HS3ST4: variants seen among roughly 807,000 people sequenced by gnomAD.
HS3ST4 encodes heparan sulfate glucosamine 3-O-sulfotransferase 4.
HS3ST4 carries 17 observed loss-of-function variants against 29.2 expected under a neutral mutation model. The observed-to-expected ratio is 0.58, with a 90% CI of 0.40 to 0.87. The LOEUF (loss-of-function observed/expected upper bound fraction) is 0.87. Among genes scored for constraint, HS3ST4 ranks in the 40% least tolerant of loss-of-function variants. HS3ST4 has a pLI of 0.00. For missense variants in HS3ST4, 627 were observed against 634.5 expected (o/e 0.99, Z 0.13); for synonymous variants, 314 against 285.7 (o/e 1.10, Z -1.00).
intron 1 of HS3ST4, among the ~76,000 whole-genome samples, chr16:25,924,966 AG>A (rs1162664394): frequency 1.3e-5 from 2 of 152,096 alleles, no homozygotes; most frequent in African/African-American, 4.8e-5. Context: ...ATCTTGCTTA[AG>A]CAACACGTAG....
intron 1 of HS3ST4, among the ~76,000 whole-genome samples, chr16:25,798,360 G>A (rs1429329078): frequency 6.6e-6 from 1 of 152,160 alleles, no homozygotes; most frequent in African/African-American, 2.4e-5. Context: ...CACATTTCAT[G>A]TTTATGTTGG....
In HS3ST4 at chr16:26,071,069, A is replaced by C. The variant is rs551153917; in HGVS notation, c.735-64543A>C. 1.3e-4 allele frequency among the ~76,000 whole-genome samples: 20 copies of C among 152,338 alleles called. No individual in the cohort carries two copies. The South Asian group carries it at 4.1e-3, about 32-fold the overall frequency. On this transcript the variant is annotated intron_variant, in intron 1 of 1. Transcript: ENST00000331351. ...TTTGGTGAATTGCAAAGTGTGTTTTAAAAAGTCCTAAAAGAGGCTGAATTG... is the reference window on the plus strand; with the variant it reads ...TTTGGTGAATTGCAAAGTGTGTTTTCAAAAGTCCTAAAAGAGGCTGAATTG...
intron 1 of HS3ST4, among the ~76,000 whole-genome samples, chr16:25,935,337 A>G (rs986440358): frequency 1.6e-4 from 25 of 152,168 alleles, no homozygotes; most frequent in Admixed American, 1.6e-3. Flanking sequence ...TCCAGAGTCC[A>G]TAGTTTGCAT....
At chr16:26,086,413 G>A (rs1380746730) in intron 1 of HS3ST4, among the ~76,000 whole-genome samples, 1 of 151,250 alleles carries the variant, frequency 6.6e-6, no homozygotes, top group Non-Finnish European at 1.5e-5. Flanking sequence ...GCAGTGGCAC[G>A]ATCTCGGCTC....
intron 1 of HS3ST4, among the ~76,000 whole-genome samples, chr16:26,022,895 AGC>A (rs1969428597): frequency 6.6e-6 from 1 of 152,104 alleles, no homozygotes. Flanking sequence ...GGCCAGGCTT[AGC>A]TGGGTGTGGT....
In HS3ST4 at chr16:25,720,627, G is replaced by A. The variant is rs535677626; in HGVS notation, c.734+27476G>A. On this transcript the variant is annotated intron_variant, in intron 1 of 1. Coordinates refer to ENST00000331351, the MANE Select transcript of HS3ST4 (RefSeq NM_006040.3). Reference sequence around the variant, plus strand: ...AAAATCCATGAAAAAGAATCCCATTGTGCAAGCCGGGGTCACTAATCCAAT... The same window carrying A: ...AAAATCCATGAAAAAGAATCCCATTATGCAAGCCGGGGTCACTAATCCAAT... 1.2e-3 allele frequency among the ~76,000 whole-genome samples: 180 copies of A among 152,218 alleles called. 1 individual carries two copies. The Middle Eastern group carries it at 0.014, about 12-fold the overall frequency.
chr16:26,034,065 A>G (rs1419031813), intron 1 of HS3ST4, among the ~76,000 whole-genome samples: 5 of 152,144 alleles, frequency 3.3e-5, no homozygotes, highest in Non-Finnish European at 7.4e-5. Context: ...AGGAAAGTCA[A>G]TGTGTACTGC....
intron 1 of HS3ST4, among the ~76,000 whole-genome samples, chr16:26,016,016 C>T (rs542823083): frequency 1.1e-4 from 16 of 152,080 alleles, no homozygotes; most frequent in Non-Finnish European, 2.4e-4. Flanking sequence ...CACAAGGCAG[C>T]CTCCTTCCTC....
At chr16:25,794,382 G>A (rs1391758234) in intron 1 of HS3ST4, among the ~76,000 whole-genome samples, 3 of 151,330 alleles carry the variant, frequency 2.0e-5, no homozygotes, top group African/African-American at 4.9e-5. Context: ...CCTCCTTCCT[G>A]TAGAATTCTC....
At chr16:25,827,532 A>AC (rs931553846) in intron 1 of HS3ST4, among the ~76,000 whole-genome samples, 1 of 57,734 alleles carries the variant, frequency 1.7e-5, no homozygotes. Context: ...TGCTGTCTTC[A>AC]CAAAAAAAAA....
At chr16:26,063,493 A>G (rs1898505095) in intron 1 of HS3ST4, among the ~76,000 whole-genome samples, 1 of 151,618 alleles carries the variant, frequency 6.6e-6, no homozygotes, top group African/African-American at 2.4e-5. Context: ...GCCTGGGCAC[A>G]TAGTGAGACC....
At chr16:26,071,499 G>C (rs1252338741) in intron 1 of HS3ST4, among the ~76,000 whole-genome samples, 1 of 152,118 alleles carries the variant, frequency 6.6e-6, no homozygotes, top group African/African-American at 2.4e-5. Flanking sequence ...CTGAGGCTTT[G>C]GTTATATTAA....
intron 1 of HS3ST4, among the ~76,000 whole-genome samples, chr16:25,828,301 C>CTCTCTCTCTCTCTCTCTCT (rs1555467593): frequency 6.1e-5 from 2 of 32,898 alleles, no homozygotes; most frequent in Admixed American, 3.7e-4. Context: ...TCTTTCTTTC[C>CTCTCTCTCTCTCTCTCTCT]CTCTCTCTCT....
chr16:25,890,058 A>G (rs192504817), intron 1 of HS3ST4, among the ~76,000 whole-genome samples: 16 of 152,336 alleles, frequency 1.1e-4, no homozygotes, highest in African/African-American at 3.4e-4. Context: ...CTTCGTTAGC[A>G]GCATGAGAAC....
At chr16:26,117,284 G>A (rs1165498892) in intron 1 of HS3ST4, among the ~76,000 whole-genome samples, 1 of 152,160 alleles carries the variant, frequency 6.6e-6, no homozygotes, top group Non-Finnish European at 1.5e-5. Flanking sequence ...AAATGAACCA[G>A]CACACTCAAC....
In HS3ST4 at chr16:25,846,535, T is replaced by TA. The variant is rs5816326; in HGVS notation, c.734+153397dup. Among the ~76,000 whole-genome samples the TA allele has an allele frequency of 9.9e-3, 1,446 of 145,542 alleles. 11 individuals carry two copies. Among genetic ancestry groups the TA allele is most frequent in the Admixed American group, 0.015 (212 of 14,614 alleles). On this transcript the variant is annotated intron_variant, in intron 1 of 1. Coordinates refer to ENST00000331351, the MANE Select transcript of HS3ST4 (RefSeq NM_006040.3). ...GGCAACAATGTGAGACCCCATCTCTTAAAAAAAAAAAAAGTTGTATTTTTT... is the reference window on the plus strand; with the variant it reads ...GGCAACAATGTGAGACCCCATCTCTTAAAAAAAAAAAAAAGTTGTATTTTTT...
chr16:26,049,731 G>C (rs964420047), intron 1 of HS3ST4, among the ~76,000 whole-genome samples: 1 of 152,084 alleles, frequency 6.6e-6, no homozygotes, highest in African/African-American at 2.4e-5. Flanking sequence ...AAGCCCCAGG[G>C]CATTTTACCT....
intron 1 of HS3ST4, among the ~76,000 whole-genome samples, chr16:25,898,003 C>T (rs925100414): frequency 3.9e-5 from 6 of 152,128 alleles, no homozygotes; most frequent in East Asian, 1.9e-4. Context: ...AGTAGATCCG[C>T]GCAGGCGAGC....
At chr16:25,903,779 C>T (rs1233562224) in intron 1 of HS3ST4, among the ~76,000 whole-genome samples, 1 of 150,042 alleles carries the variant, frequency 6.7e-6, no homozygotes, top group Non-Finnish European at 1.5e-5. Flanking sequence ...CCATACTCCC[C>T]TCCCACATTC....
Sources: allele counts gnomAD v4.1 joint callset (sites outside exome capture counted in the v4.1 genomes callset), GRCh38; gene constraint gnomAD v4.1.1; transcripts MANE v1.5; gene names NCBI Gene and HGNC (gene_info 2026-07-23, HGNC 2026-07-21).